Variants in CREB5 observed in about 807,000 individuals in gnomAD.
CREB5 encodes the protein cAMP responsive element binding protein 5.
A neutral mutation model predicts 57.1 loss-of-function variants in CREB5; 19 were observed. The observed-to-expected ratio is 0.33, with a 90% CI of 0.23 to 0.49. CREB5 has a LOEUF of 0.49. CREB5 is among the 20% of genes least tolerant of loss of function. The pLI, the probability that CREB5 is intolerant of heterozygous loss-of-function variation, is 0.99. For synonymous variants in CREB5, 238 were observed against 238.3 expected (o/e 1.00, Z 0.01); for missense variants, 579 against 671.6 (o/e 0.86, Z 1.52).
At chr7:28,428,174 T>G (rs1788580669) in intron 1 of CREB5, among the ~76,000 whole-genome samples, 1 of 152,174 alleles carries the variant, frequency 6.6e-6, no homozygotes, top group Non-Finnish European at 1.5e-5. Context: ...AGGGCCCTGC[T>G]GTTTTGGATG....
chr7:28,360,683 T>C (rs1786457072), intron 1 of CREB5, among the ~76,000 whole-genome samples: 1 of 152,220 alleles, frequency 6.6e-6, no homozygotes, highest in South Asian at 2.1e-4. Flanking sequence ...TTCCACATTG[T>C]ATACATATAA....
chr7:28,696,549 A>G (rs568706561), intron 5 of CREB5, among the ~76,000 whole-genome samples: 1 of 152,270 alleles, frequency 6.6e-6, no homozygotes, highest in South Asian at 2.1e-4. Context: ...AATGAGGCAA[A>G]TTGAAAACCA....
intron 5 of CREB5, among the ~76,000 whole-genome samples, chr7:28,643,459 A>G (rs1204171664): frequency 1.3e-5 from 2 of 152,136 alleles, no homozygotes; most frequent in Non-Finnish European, 2.9e-5. Flanking sequence ...CCCTGTTCCC[A>G]TAGTAACCTT....
chr7:28,478,722 C>G (rs569713026), intron 1 of CREB5, among the ~76,000 whole-genome samples: 1 of 152,322 alleles, frequency 6.6e-6, no homozygotes, highest in South Asian at 2.1e-4. Context: ...TCTTTTGCTA[C>G]TGTTGAGTCA....
At chr7:28,768,239 AAAG>A (rs763539346) in intron 7 of CREB5, among the ~76,000 whole-genome samples, 19 of 152,148 alleles carry the variant, frequency 1.2e-4, no homozygotes, top group Non-Finnish European at 2.2e-4. Flanking sequence ...TAGTGAAGAA[AAAG>A]ACTCTTGTGG....
intron 4 of CREB5, among the ~76,000 whole-genome samples, chr7:28,565,442 G>T (rs1795436353): frequency 6.6e-6 from 1 of 152,154 alleles, no homozygotes; most frequent in African/African-American, 2.4e-5. Flanking sequence ...GAGGTGAGTG[G>T]CATGGTATTG....
intron 7 of CREB5, among the ~76,000 whole-genome samples, chr7:28,794,829 TA>T (rs1184816917): frequency 6.6e-6 from 1 of 152,188 alleles, no homozygotes; most frequent in Non-Finnish European, 1.5e-5. Context: ...CAGATTTTGT[TA>T]AAAAACTAAT....
chr7:28,717,249 G>A (rs1179658740), intron 5 of CREB5, among the ~76,000 whole-genome samples: 2 of 151,760 alleles, frequency 1.3e-5, no homozygotes, highest in Admixed American at 6.6e-5. Flanking sequence ...AATAGAGACA[G>A]CGTTTCACCG....
At chr7:28,582,054 G>A (rs908829707) in intron 5 of CREB5, among the ~76,000 whole-genome samples, 8 of 152,290 alleles carry the variant, frequency 5.3e-5, no homozygotes, top group Admixed American at 6.5e-5. Flanking sequence ...AGTGATTTCC[G>A]GGGATTTGTG....
intron 5 of CREB5, among the ~76,000 whole-genome samples, chr7:28,614,306 A>G (rs1000749646): frequency 6.6e-6 from 1 of 152,210 alleles, no homozygotes; most frequent in Non-Finnish European, 1.5e-5. Context: ...TGCTATATCC[A>G]TTTGGGATTT....
intron 7 of CREB5, among the ~76,000 whole-genome samples, chr7:28,754,287 G>A (rs1805160530): frequency 6.6e-6 from 1 of 152,158 alleles, no homozygotes; most frequent in South Asian, 2.1e-4. Flanking sequence ...GTTTGTGCCG[G>A]GCTGCAGCCC....
intron 5 of CREB5, among the ~76,000 whole-genome samples, chr7:28,577,467 C>T (rs1795948768): frequency 6.6e-6 from 1 of 152,174 alleles, no homozygotes; most frequent in South Asian, 2.1e-4. Flanking sequence ...ATAACAGCAA[C>T]CTCTTCTCTT....
At chr7:28,601,573 T>G (rs970076006) in intron 5 of CREB5, among the ~76,000 whole-genome samples, 2 of 152,192 alleles carry the variant, frequency 1.3e-5, no homozygotes, top group East Asian at 3.8e-4. Flanking sequence ...TTGTAATGTG[T>G]AGAGGAGTTA....
chr7:28,299,868 C>T (rs1415926871), intron 1 of CREB5, among the ~76,000 whole-genome samples: 2 of 152,130 alleles, frequency 1.3e-5, no homozygotes, highest in Non-Finnish European at 1.5e-5. Context: ...GTTTGATGGA[C>T]ATCAACATGG....
intron 7 of CREB5, among the ~76,000 whole-genome samples, chr7:28,793,974 A>G (rs1583759395): frequency 6.6e-6 from 1 of 152,190 alleles, no homozygotes; most frequent in Non-Finnish European, 1.5e-5. Context: ...CCTGTGATAC[A>G]TATGTGGAGT....
chr7:28,475,558 G>T (rs1250094595), intron 1 of CREB5, among the ~76,000 whole-genome samples: 1 of 152,058 alleles, frequency 6.6e-6, no homozygotes, highest in Non-Finnish European at 1.5e-5. Context: ...ATGTAATAAT[G>T]AAAAGAAGAT....
intron 7 of CREB5, among the ~76,000 whole-genome samples, chr7:28,801,270 T>TAATA (rs1808346450): frequency 6.6e-6 from 1 of 152,224 alleles, no homozygotes; most frequent in South Asian, 2.1e-4. Context: ...CTTTATTATC[T>TAATA]AATATTTTTG....
chr7:28,488,701 C>T (rs1321464939), intron 2 of CREB5, among the ~76,000 whole-genome samples: 1 of 152,180 alleles, frequency 6.6e-6, no homozygotes, highest in Non-Finnish European at 1.5e-5. Flanking sequence ...ACCCCAAACT[C>T]CCTATAACTC....
In CREB5 at chr7:28,610,230, G is replaced by A. The variant is rs569369473; in HGVS notation, c.464+39693G>A. Among the ~76,000 whole-genome samples the A allele has an allele frequency of 3.8e-4, 58 of 152,292 alleles. No individual in the cohort carries two copies. In the South Asian group the frequency reaches 0.012, roughly 32 times the overall value. On this transcript the variant is annotated intron_variant, in intron 5 of 10. Coordinates refer to ENST00000357727, the MANE Select transcript of CREB5 (RefSeq NM_182898.4). ...CTGCATCCCCCTCTGCCAGCTGGGT[G>A]AACAGTGGGGAGCTGGAAGCAAGGG...
Sources: allele counts gnomAD v4.1 joint callset (sites outside exome capture counted in the v4.1 genomes callset), GRCh38; gene constraint gnomAD v4.1.1; transcripts MANE v1.5; gene names NCBI Gene and HGNC (gene_info 2026-07-23, HGNC 2026-07-21).